The following PCDHA11 variants were observed in gnomAD, a reference collection of about 807,000 sequenced individuals.
PCDHA11 encodes protocadherin alpha 11.
Under a neutral mutation model 70.3 loss-of-function variants are expected in PCDHA11, and 61 were observed. The ratio of observed to expected loss-of-function variants is 0.87; its 90% CI spans 0.71 to 1.07. The LOEUF (loss-of-function observed/expected upper bound fraction) is 1.07. PCDHA11 is among the 50% of genes least tolerant of loss of function. PCDHA11 has a pLI of 0.00. For missense variants in PCDHA11, 1,324 were observed against 1,237.5 expected, an observed-to-expected ratio of 1.07 and a Z score of -1.05; for synonymous variants, 633 against 555.1, an observed-to-expected ratio of 1.14 and a Z score of -1.97.
rs199811254 is a variant in PCDHA11 at position 140,877,222 on chromosome 5, T to C, written c.2391+5728T>C. 9.3e-5 allele frequency: 150 copies of C among 1,613,562 alleles called. No homozygotes were observed. Among genetic ancestry groups the C allele is most frequent in the Admixed American group, 2.2e-4 (13 of 59,972 alleles). Reference sequence around the variant, plus strand: ...CGCAGTTAGCGAGTTGGTACCGCGGTCGGTGGGTGCGGGCCACGTGGTGGC... The same window carrying C: ...CGCAGTTAGCGAGTTGGTACCGCGGCCGGTGGGTGCGGGCCACGTGGTGGC... On this transcript the variant is annotated intron_variant, in intron 1 of 3. Transcript: ENST00000398640.
At chr5:141,007,498 G>T (rs936217793) in intron 3 of PCDHA11, among the ~76,000 whole-genome samples, 2 of 151,942 alleles carry the variant, frequency 1.3e-5, no homozygotes, top group Admixed American at 1.3e-4. Context: ...GACCTAGGAG[G>T]CAGAGACTGC....
rs189094380 is a variant in PCDHA11 at position 140,918,016 on chromosome 5, T to C, written c.2391+46522T>C. Among the ~76,000 whole-genome samples the C allele has an allele frequency of 1.3e-4, 20 of 152,344 alleles. No individual in the cohort carries two copies. The East Asian group carries it at 3.9e-3, about 29-fold the overall frequency. ...TTATCTTAACAATGTTGTTTCTTCC[T>C]ACCCATGAGCGTGGAAGGTCTTTCC... On this transcript the variant is annotated intron_variant, in intron 1 of 3. Transcript: ENST00000398640.
At chr5:140,881,523 C>T in intron 1 of PCDHA11, 1 of 194,568 alleles carries the variant, frequency 5.1e-6, no homozygotes, top group Non-Finnish European at 9.4e-6. Context: ...AAATCCCACA[C>T]ATATTGACTG....
intron 3 of PCDHA11, among the ~76,000 whole-genome samples, chr5:140,991,432 C>T (rs2153896288): frequency 6.6e-6 from 1 of 152,310 alleles, no homozygotes; most frequent in Non-Finnish European, 1.5e-5. Flanking sequence ...TAACCATAAA[C>T]TTCATGGCTT....
At chr5:140,939,060 A>G (rs1435006375) in intron 1 of PCDHA11, among the ~76,000 whole-genome samples, 1 of 152,208 alleles carries the variant, frequency 6.6e-6, no homozygotes, top group Non-Finnish European at 1.5e-5. Flanking sequence ...TTGGGCTGCT[A>G]TATCAAAATA....
Position 140,871,411 on chromosome 5 carries a change from G to A in PCDHA11, c.2308G>A (p.Ala770Thr). ...EEGPPKTDLM[A>T]FSPSLPLGLN... is the part of the protein sequence containing the mutation. ...GGGCCCACCTAAGACGGACCTCATG[G>A]CCTTCAGCCCCAGTCTTCCTCTAGG... The change falls in exon 1 of 4, where the codon GCC (alanine) becomes ACC (threonine). Residue 770 changes from alanine to threonine, a missense_variant. Ala to Thr is a moderately conservative substitution (Grantham distance 58, BLOSUM62 0). Coordinates refer to ENST00000398640, the MANE Select transcript of PCDHA11 (RefSeq NM_018902.5). 1 of 1,614,056 alleles carries A rather than the reference G, an allele frequency of 6.2e-7. No individual in the cohort carries two copies. Among genetic ancestry groups the A allele is most frequent in the Non-Finnish European group, 8.5e-7 (1 of 1,179,960 alleles).
chr5:140,942,902 A>G (rs956281163), intron 1 of PCDHA11, among the ~76,000 whole-genome samples: 7 of 152,112 alleles, frequency 4.6e-5, no homozygotes, highest in Admixed American at 1.3e-4. Context: ...ATCTCTAAGA[A>G]TAAGCGTGAA....
intron 1 of PCDHA11, chr5:140,928,846 C>A: frequency 1.2e-6 from 2 of 1,614,192 alleles, no homozygotes; most frequent in Non-Finnish European, 1.7e-6. Context: ...CTCTGTCACT[C>A]TGGGTGTGCT....
intron 1 of PCDHA11, among the ~76,000 whole-genome samples, chr5:140,885,084 A>C (rs1313908585): frequency 6.6e-6 from 1 of 152,198 alleles, no homozygotes; most frequent in South Asian, 2.1e-4. Context: ...AAAGAGCCCC[A>C]TAACTTTTCA....
intron 1 of PCDHA11, among the ~76,000 whole-genome samples, chr5:140,898,530 T>A (rs1256781089): frequency 6.6e-6 from 1 of 152,228 alleles, no homozygotes; most frequent in African/African-American, 2.4e-5. Flanking sequence ...GAGGGCTCTG[T>A]TCTGTTCCAT....
At chr5:140,896,706 T>C (rs188797791) in intron 1 of PCDHA11, among the ~76,000 whole-genome samples, 169 of 152,248 alleles carry the variant, frequency 1.1e-3, no homozygotes, top group East Asian at 5.2e-3. Context: ...AGGTTGTTTG[T>C]TTTTTGCTTG....
At chr5:140,931,183 T>C (rs1225985669) in intron 1 of PCDHA11, among the ~76,000 whole-genome samples, 2 of 152,158 alleles carry the variant, frequency 1.3e-5, no homozygotes, top group Non-Finnish European at 2.9e-5. Context: ...GGGAAGGAAA[T>C]TGGTGCACTA....
intron 1 of PCDHA11, among the ~76,000 whole-genome samples, chr5:140,975,698 T>C (rs1298498012): frequency 6.6e-6 from 1 of 152,202 alleles, no homozygotes; most frequent in Non-Finnish European, 1.5e-5. Flanking sequence ...TTTAAACTTA[T>C]TTTACTTTAA....
rs1554202548 is a variant in PCDHA11 at position 140,925,108 on chromosome 5, G to GGAAGGAAGGAAGGAAGGAAGGAAGGAA, written c.2391+53615_2391+53616insAAGGAAGGAAGGAAGGAAGGAAGGAAG. On this transcript the variant is annotated intron_variant, in intron 1 of 3. Transcript: ENST00000398640. ...AAGGAAGGAAGGAAGGAAGGAAGGA[G>GGAAGGAAGGAAGGAAGGAAGGAAGGAA]GGAAGGAAGGAAGGAAAAAAAATTT... Among the ~76,000 whole-genome samples, 52 of 124,778 alleles carry GGAAGGAAGGAAGGAAGGAAGGAAGGAA rather than the reference G, an allele frequency of 4.2e-4. No individual in the cohort carries two copies. The Middle Eastern group carries it at 0.013, about 31-fold the overall frequency. The allele number at this position is 124,778 out of a possible 152,430, so 81.9% of individuals were successfully genotyped here. A position where few individuals can be genotyped will look rare whatever the true frequency, so the allele number is the denominator to read the frequency against.
intron 3 of PCDHA11, among the ~76,000 whole-genome samples, chr5:140,985,238 A>G (rs2097143387): frequency 1.3e-5 from 2 of 152,120 alleles, no homozygotes; most frequent in Non-Finnish European, 2.9e-5. Context: ...CGCCTGGCCT[A>G]ATCTTCTTAC....
chr5:140,919,957 G>GC (rs2079372992), intron 1 of PCDHA11, among the ~76,000 whole-genome samples: 1 of 148,640 alleles, frequency 6.7e-6, no homozygotes, highest in Non-Finnish European at 1.5e-5. Flanking sequence ...AGTTTGTTTT[G>GC]TTTTTTAAAT....
intron 1 of PCDHA11, chr5:140,883,466 A>T: frequency 6.2e-7 from 1 of 1,614,128 alleles, no homozygotes; most frequent in Non-Finnish European, 8.5e-7. Flanking sequence ...GCTGGTGTCC[A>T]CCTACAAGAA....
chr5:140,938,176 G>A (rs1554212021), intron 1 of PCDHA11, among the ~76,000 whole-genome samples: 1 of 152,088 alleles, frequency 6.6e-6, no homozygotes, highest in Non-Finnish European at 1.5e-5. Flanking sequence ...GAGCTCCTGG[G>A]CTCAAGCAAT....
In PCDHA11 at chr5:140,926,973, G is replaced by T. The variant is rs369317394; in HGVS notation, c.2392-51976G>T. 5.0e-6 allele frequency: 8 copies of T among 1,609,646 alleles called. No homozygotes were observed. The African/African-American group carries it at 1.1e-4, about 21-fold the overall frequency. On this transcript the variant is annotated intron_variant, in intron 1 of 3. Transcript: ENST00000398640. ...CGGGACAGCTCGAGTACTCAGTGCC[G>T]GAGGAGACGGAGCGGGGCGTAGCCG...
Sources: allele counts gnomAD v4.1 joint callset (sites outside exome capture counted in the v4.1 genomes callset), GRCh38; gene constraint gnomAD v4.1.1; transcripts MANE v1.5; gene names NCBI Gene and HGNC (gene_info 2026-07-23, HGNC 2026-07-21).